GRM8: variants seen among roughly 807,000 people sequenced by gnomAD.
The protein encoded by GRM8 is glutamate metabotropic receptor 8.
A neutral mutation model predicts 87.2 loss-of-function variants in GRM8; 47 were observed. That is an observed-to-expected ratio of 0.54 (90% CI 0.43 to 0.69). The LOEUF (loss-of-function observed/expected upper bound fraction) is 0.69, where lower values mean the gene tolerates loss of function less well. GRM8 is among the 30% of genes least tolerant of loss of function. The pLI, the probability that GRM8 is intolerant of heterozygous loss-of-function variation, is 0.00. For missense variants in GRM8, 1,019 were observed against 1,139.2 expected (o/e 0.89, Z 1.52); for synonymous variants, 396 against 404.5 (o/e 0.98, Z 0.25).
chr7:126,585,895 C>T (rs983401014), intron 8 of GRM8, among the ~76,000 whole-genome samples: 19 of 152,120 alleles, frequency 1.2e-4, no homozygotes, highest in African/African-American at 4.1e-4. Context: ...CAAATTGTCC[C>T]TGTTTGTAGA....
intron 7 of GRM8, among the ~76,000 whole-genome samples, chr7:126,695,498 T>A (rs1350393891): frequency 1.3e-5 from 2 of 152,104 alleles, no homozygotes; most frequent in African/African-American, 4.8e-5. Flanking sequence ...TCCTGGATAA[T>A]GTGCCCTATG....
chr7:126,888,761 C>T (rs1800727287), intron 6 of GRM8, among the ~76,000 whole-genome samples: 1 of 152,042 alleles, frequency 6.6e-6, no homozygotes. Context: ...ATCTTTCCAC[C>T]TCCCACAGAA....
chr7:127,124,801 T>C (rs1252125203), intron 2 of GRM8, among the ~76,000 whole-genome samples: 1 of 152,066 alleles, frequency 6.6e-6, no homozygotes, highest in Admixed American at 6.6e-5. Flanking sequence ...TAACAAAATA[T>C]TGGGAAATCA....
chr7:126,987,959 T>C (rs1392484292), intron 3 of GRM8, among the ~76,000 whole-genome samples: 1 of 152,184 alleles, frequency 6.6e-6, no homozygotes, highest in Non-Finnish European at 1.5e-5. Flanking sequence ...AATAATCTTG[T>C]GATTTAAAGA....
intron 9 of GRM8, among the ~76,000 whole-genome samples, chr7:126,485,567 C>G (rs1012046452): frequency 6.6e-6 from 1 of 151,940 alleles, no homozygotes; most frequent in Non-Finnish European, 1.5e-5. Context: ...TGCTAAAGAG[C>G]TTGGCCTTTG....
At chr7:127,101,569 T>A (rs1435503447) in intron 3 of GRM8, among the ~76,000 whole-genome samples, 7 of 152,218 alleles carry the variant, frequency 4.6e-5, no homozygotes, top group Admixed American at 4.6e-4. Flanking sequence ...TTTCACTATG[T>A]GGTGTGCTTG....
At chr7:127,146,207 C>T (rs752068493) in intron 2 of GRM8, among the ~76,000 whole-genome samples, 6 of 152,004 alleles carry the variant, frequency 3.9e-5, no homozygotes, top group Non-Finnish European at 7.4e-5. Context: ...ATAGATAGGT[C>T]TCATAGGGTA....
At chr7:126,827,846 G>T (rs1470065521) in intron 6 of GRM8, among the ~76,000 whole-genome samples, 2 of 152,242 alleles carry the variant, frequency 1.3e-5, no homozygotes, top group East Asian at 3.9e-4. Flanking sequence ...TTGGCTATGG[G>T]TTTGTCATAG....
intron 3 of GRM8, among the ~76,000 whole-genome samples, chr7:126,941,443 TAAAAAA>T (rs11453714): frequency 7.8e-6 from 1 of 128,890 alleles, no homozygotes; most frequent in African/African-American, 3.0e-5. Flanking sequence ...CCATCTCTAC[TAAAAAA>T]AAAAAAAAAA....
rs569360476 is a variant in GRM8 at position 127,236,327 on chromosome 7, T to G, written c.510+6368A>C. ...TCTCCGCTTCTCCCTATTAGTCTGC[T>G]TTCACACTGCTATAAGGAACTGCCA... is the stretch of plus-strand genomic sequence containing the variant. On this transcript the variant is annotated intron_variant, in intron 2 of 10. Coordinates refer to ENST00000339582, the MANE Select transcript of GRM8 (RefSeq NM_000845.3). Among the ~76,000 whole-genome samples the G allele has an allele frequency of 1.2e-4, 18 of 152,364 alleles. No individual in the cohort carries two copies. The South Asian group carries it at 3.7e-3, about 32-fold the overall frequency.
At chr7:126,692,793 A>G (rs1808965369) in intron 7 of GRM8, among the ~76,000 whole-genome samples, 1 of 152,208 alleles carries the variant, frequency 6.6e-6, no homozygotes, top group South Asian at 2.1e-4. Flanking sequence ...TAGTTTAACC[A>G]AACTATTCCT....
At position 126,685,081 on chromosome 7, in the gene GRM8, C is replaced by T. The variant is rs1808014227; in HGVS notation, c.1358-75583G>A. On this transcript the variant is annotated intron_variant, in intron 7 of 10. Coordinates refer to ENST00000339582, the MANE Select transcript of GRM8 (RefSeq NM_000845.3). This position sits in a 1 kb window ranked among gnomAD's most constrained non-coding sequence, Gnocchi z 4.2. Reference sequence around the variant, plus strand: ...CCCCAAGGAAGCTGACTGCACTGCCCCCACCTTCACGCAGCCGGGCAGTAC... The same window carrying T: ...CCCCAAGGAAGCTGACTGCACTGCCTCCACCTTCACGCAGCCGGGCAGTAC... Among the ~76,000 whole-genome samples the T allele has an allele frequency of 6.6e-6, 1 of 152,178 alleles. No homozygotes were observed. Among genetic ancestry groups the T allele is most frequent in the South Asian group, 2.1e-4 (1 of 4,836 alleles).
chr7:127,119,417 CAG>C (rs1826896406), intron 2 of GRM8, among the ~76,000 whole-genome samples: 2 of 151,938 alleles, frequency 1.3e-5, no homozygotes, highest in African/African-American at 4.8e-5. Context: ...ACCCGGGAGA[CAG>C]AGTTTGCAGT....
At chr7:126,512,300 T>G (rs1417776008) in intron 9 of GRM8, 1 of 152,176 alleles carries the variant, frequency 6.6e-6, no homozygotes, top group Admixed American at 6.6e-5. Flanking sequence ...GTGGCTACTT[T>G]GTGCAGATTC....
chr7:126,818,653 C>T (rs540164896), intron 6 of GRM8, among the ~76,000 whole-genome samples: 2 of 152,322 alleles, frequency 1.3e-5, no homozygotes, highest in African/African-American at 4.8e-5. Context: ...GTAACCACAT[C>T]ACTCTTACCA....
intron 9 of GRM8, among the ~76,000 whole-genome samples, chr7:126,500,907 A>G (rs567813334): frequency 1.3e-5 from 2 of 152,040 alleles, no homozygotes; most frequent in South Asian, 2.1e-4. Flanking sequence ...CCATTAAGCT[A>G]TTTGCTATTT....
chr7:127,029,553 C>T lies in GRM8; in HGVS notation c.727+76943G>A, dbSNP rs148981378. 9.7e-3 allele frequency among the ~76,000 whole-genome samples: 1,476 copies of T among 152,188 alleles called. 22 individuals are homozygous for T. Among genetic ancestry groups the T allele is most frequent in the African/African-American group, 0.034 (1,407 of 41,516 alleles). Reference sequence around the variant, plus strand: ...GCATATATATTTAGGATAGTTAGCTCTTCTTGTTGAATGGATCCCTTTACC... The same window carrying T: ...GCATATATATTTAGGATAGTTAGCTTTTCTTGTTGAATGGATCCCTTTACC... On this transcript the variant is annotated intron_variant, in intron 3 of 10. Coordinates refer to ENST00000339582, the MANE Select transcript of GRM8 (RefSeq NM_000845.3).
intron 6 of GRM8, among the ~76,000 whole-genome samples, chr7:126,874,809 A>G (rs1232982142): frequency 6.6e-6 from 1 of 152,138 alleles, no homozygotes; most frequent in African/African-American, 2.4e-5. Context: ...AGTACATTTG[A>G]CCATTTTAAT....
chr7:127,220,183 A>G (rs1388933921), intron 2 of GRM8, among the ~76,000 whole-genome samples: 1 of 152,190 alleles, frequency 6.6e-6, no homozygotes, highest in African/African-American at 2.4e-5. Flanking sequence ...CAGGACTGAC[A>G]TCGCTAAGGT....
Sources: gnomAD v4.1 joint callset for allele counts (sites outside exome capture counted in the v4.1 genomes callset) on GRCh38, gnomAD v4.1.1 for gene constraint, Gnocchi (gnomAD v3.1) non-coding constraint, MANE v1.5 for transcripts, NCBI Gene and HGNC (gene_info 2026-07-23, HGNC 2026-07-21) for gene names.